CTNND2: variants seen among roughly 807,000 people sequenced by gnomAD.
CTNND2 encodes catenin delta-2.
CTNND2 carries 22 observed loss-of-function variants against 144.4 expected under a neutral mutation model. That is an observed-to-expected ratio of 0.15 (90% confidence interval 0.11 to 0.22). The LOEUF (loss-of-function observed/expected upper bound fraction) is 0.22. CTNND2 is among the 10% of genes least tolerant of loss of function. The pLI is 1.00. For synonymous variants in CTNND2, 751 were observed against 695.6 expected (o/e 1.08, Z -1.25); for missense variants, 1,353 against 1,618.8 (o/e 0.84, Z 2.82).
chr5:10,985,987 C>T (rs950382380), intron 20 of CTNND2, among the ~76,000 whole-genome samples: 3 of 152,138 alleles, frequency 2.0e-5, no homozygotes, highest in Admixed American at 6.5e-5. Flanking sequence ...TAACAATCGG[C>T]GTTTACATAG....
At chr5:11,104,148 T>TA (rs2149674934) in intron 14 of CTNND2, among the ~76,000 whole-genome samples, 1 of 152,336 alleles carries the variant, frequency 6.6e-6, no homozygotes, top group East Asian at 1.9e-4. Context: ...ATTTCTCTAC[T>TA]AATTAGGGAG....
At chr5:11,722,297 C>T (rs916405899) in intron 2 of CTNND2, among the ~76,000 whole-genome samples, 1 of 152,146 alleles carries the variant, frequency 6.6e-6, no homozygotes, top group Non-Finnish European at 1.5e-5. Context: ...ATCCTCCCAG[C>T]ATTTTCTTCT....
At chr5:11,852,627 G>C (rs1475263553) in intron 1 of CTNND2, among the ~76,000 whole-genome samples, 1 of 152,150 alleles carries the variant, frequency 6.6e-6, no homozygotes, top group Non-Finnish European at 1.5e-5. Flanking sequence ...AAAAGATACT[G>C]TATACTTACA....
chr5:11,686,881 A>G (rs770847083), intron 2 of CTNND2, among the ~76,000 whole-genome samples: 3 of 148,626 alleles, frequency 2.0e-5, no homozygotes, highest in Non-Finnish European at 4.5e-5. Context: ...CATATACTAT[A>G]TATTTATATA....
Position 11,180,277 on chromosome 5 carries a change from G to T in CTNND2, c.1975+19171C>A, listed in dbSNP as rs942003455. ...TTCCTTTTGGCCTTCCGCTACGATT[G>T]TAAGTTTCCTGAGGACTACTCAGCC... On this transcript the variant is annotated intron_variant, in intron 11 of 21. Coordinates refer to ENST00000304623, the MANE Select transcript of CTNND2 (RefSeq NM_001332.4). 9.2e-5 allele frequency among the ~76,000 whole-genome samples: 14 copies of T among 152,202 alleles called. 1 individual carries two copies. The highest frequency in any genetic ancestry group is 9.2e-4 in the Admixed American group (14 of 15,292).
intron 2 of CTNND2, among the ~76,000 whole-genome samples, chr5:11,639,310 C>T (rs972472596): frequency 2.6e-5 from 4 of 152,132 alleles, no homozygotes; most frequent in African/African-American, 9.7e-5. Flanking sequence ...TGTCTCCATA[C>T]CAGCAGCTTT....
rs528428441 is a variant in CTNND2 at position 11,181,830 on chromosome 5, T to G, written c.1975+17618A>C. On this transcript the variant is annotated intron_variant, in intron 11 of 21. Transcript: ENST00000304623. Reference sequence around the variant, plus strand: ...GGTGAATGCGTGTGGTGTGTGTGTGTATGTGTGGCATGTGTGTGTGGATGT... The same window carrying G: ...GGTGAATGCGTGTGGTGTGTGTGTGGATGTGTGGCATGTGTGTGTGGATGT... Among the ~76,000 whole-genome samples, 10 of 131,738 alleles carry G rather than the reference T, an allele frequency of 7.6e-5. No individual in the cohort carries two copies. The East Asian group carries it at 1.8e-3, about 23-fold the overall frequency. The allele number at this position is 131,738 out of a possible 152,430, so 86.4% of individuals were successfully genotyped here.
chr5:11,023,504 G>A (rs1052624017), intron 16 of CTNND2, among the ~76,000 whole-genome samples: 1 of 152,156 alleles, frequency 6.6e-6, no homozygotes, highest in Admixed American at 6.5e-5. Flanking sequence ...AATGTGTGGG[G>A]AACATGATCA....
intron 9 of CTNND2, among the ~76,000 whole-genome samples, chr5:11,286,626 A>C (rs1747783655): frequency 6.6e-6 from 1 of 152,210 alleles, no homozygotes; most frequent in South Asian, 2.1e-4. Flanking sequence ...TTCAGGGATA[A>C]CTGGGGTAAT....
At chr5:11,716,960 C>T (rs1483362994) in intron 2 of CTNND2, among the ~76,000 whole-genome samples, 4 of 151,914 alleles carry the variant, frequency 2.6e-5, no homozygotes, top group Non-Finnish European at 4.4e-5. Context: ...CTCCGCCTCC[C>T]GGGTTCAAGG....
At chr5:11,283,673 C>CAAAAAAAAAAAAAAAAAAAA (rs70947250) in intron 9 of CTNND2, among the ~76,000 whole-genome samples, 1 of 31,590 alleles carries the variant, frequency 3.2e-5, no homozygotes, top group Non-Finnish European at 5.8e-5. Flanking sequence ...GACTCCGTCT[C>CAAAAAAAAAAAAAAAAAAAA]AAAAAAAAAA....
chr5:11,450,122 A>G (rs1458151029), intron 3 of CTNND2, among the ~76,000 whole-genome samples: 1 of 152,210 alleles, frequency 6.6e-6, no homozygotes, highest in Non-Finnish European at 1.5e-5. Flanking sequence ...TCTTGGCTTC[A>G]ATGGCTCTCA....
Position 11,022,757 on chromosome 5 carries a change from C to G in CTNND2, c.2999+12G>C, listed in dbSNP as rs1271226773. On this transcript the variant is annotated intron_variant, in intron 17 of 21. Transcript: ENST00000304623. ...TACCAGGACAGAGATATGGCGTCAC[C>G]AGGTAACTTACTTATCTCCTTTGCT... 7 of 1,610,322 alleles carry G rather than the reference C, an allele frequency of 4.3e-6. No homozygotes were observed. In the Admixed American group the frequency reaches 1.2e-4, roughly 27 times the overall value.
chr5:11,189,282 A>G (rs1202715760), intron 11 of CTNND2, among the ~76,000 whole-genome samples: 1 of 152,168 alleles, frequency 6.6e-6, no homozygotes. Context: ...CTATGGCTGT[A>G]AGGTGCCTGG....
At chr5:11,475,163 C>T (rs1561447998) in intron 3 of CTNND2, among the ~76,000 whole-genome samples, 1 of 152,134 alleles carries the variant, frequency 6.6e-6, no homozygotes. Flanking sequence ...ACATTCATAG[C>T]CTGTGAGCTA....
chr5:11,860,877 A>G (rs1795472702), intron 1 of CTNND2, among the ~76,000 whole-genome samples: 2 of 152,166 alleles, frequency 1.3e-5, no homozygotes, highest in African/African-American at 4.8e-5. Context: ...CTAAATTGCC[A>G]TCTACACATT....
At chr5:11,551,491 C>A (rs1775764788) in intron 3 of CTNND2, among the ~76,000 whole-genome samples, 1 of 135,922 alleles carries the variant, frequency 7.4e-6, no homozygotes, top group South Asian at 2.3e-4. Context: ...GGCTGGAGTG[C>A]AGTGGTGTAA....
At chr5:11,247,915 A>G (rs182910663) in intron 9 of CTNND2, among the ~76,000 whole-genome samples, 1 of 152,218 alleles carries the variant, frequency 6.6e-6, no homozygotes, top group African/African-American at 2.4e-5. Flanking sequence ...CAATAAAAAT[A>G]TGCTACAAAA....
At chr5:11,079,874 T>C (rs948701059) in intron 16 of CTNND2, among the ~76,000 whole-genome samples, 4 of 152,182 alleles carry the variant, frequency 2.6e-5, no homozygotes, top group Admixed American at 1.3e-4. Context: ...ATAAAAATTC[T>C]AGGAGAAAAC....
Sources: allele counts gnomAD v4.1 joint callset (sites outside exome capture counted in the v4.1 genomes callset), GRCh38; gene constraint gnomAD v4.1.1; transcripts MANE v1.5; gene names NCBI Gene and HGNC (gene_info 2026-07-23, HGNC 2026-07-21).